The following USP6NL variants were observed in gnomAD, a reference collection of about 807,000 sequenced individuals.
The protein encoded by USP6NL is USP6 N-terminal like.
Under a neutral mutation model 61.9 loss-of-function variants are expected in USP6NL, and 26 were observed. That is an observed-to-expected ratio of 0.42 (90% CI 0.31 to 0.58). The LOEUF is 0.58. Among genes scored for constraint, USP6NL ranks in the 20% least tolerant of loss-of-function variants. The pLI is 0.16. For synonymous variants in USP6NL, 432 were observed against 390.1 expected, an observed-to-expected ratio of 1.11 and a Z score of -1.27; for missense variants, 1,114 against 1,034.3, an observed-to-expected ratio of 1.08 and a Z score of -1.06.
chr10:11,489,084 A>C lies in USP6NL; in HGVS notation c.664+18T>G. ...TTCCCTACCTTGATTGTTTAGATAA[A>C]GCACAGGGTTTTCTTACCATGCATG... On this transcript the variant is annotated intron_variant, in intron 10 of 14. Transcript: ENST00000609104. This position sits in a 1 kb window ranked among gnomAD's most constrained non-coding sequence, Gnocchi z 5.7. The C allele has an allele frequency of 1.2e-6, 2 of 1,611,960 alleles. No homozygotes were observed. The highest frequency in any genetic ancestry group is 1.7e-6 in the Non-Finnish European group (2 of 1,178,934).
chr10:11,597,397 A>G lies in USP6NL; in HGVS notation c.4+234T>C, dbSNP rs1838365264. 6.6e-6 allele frequency among the ~76,000 whole-genome samples: 1 copy of G among 152,256 alleles called. No individual in the cohort carries two copies. Among genetic ancestry groups the G allele is most frequent in the South Asian group, 2.1e-4 (1 of 4,836 alleles). Reference sequence around the variant, plus strand: ...TTTAGATCACAGAACTAAATCAGCCAAAGAGCTAATGACCAGATTTCCTCA... The same window carrying G: ...TTTAGATCACAGAACTAAATCAGCCGAAGAGCTAATGACCAGATTTCCTCA... On this transcript the variant is annotated intron_variant, in intron 2 of 14. Coordinates refer to ENST00000609104, the MANE Select transcript of USP6NL (RefSeq NM_014688.5). The surrounding 1 kb of genome is among the most constrained non-coding windows in gnomAD (Gnocchi z 4.6).
At chr10:11,473,590 G>A (rs1005039503) in intron 14 of USP6NL, among the ~76,000 whole-genome samples, 9 of 152,182 alleles carry the variant, frequency 5.9e-5, no homozygotes, top group Admixed American at 3.3e-4. Context: ...AGAGCAGGCC[G>A]ATTAGAGCTG....
chr10:11,543,596 A>G (rs1286115109), intron 2 of USP6NL, among the ~76,000 whole-genome samples: 10 of 152,020 alleles, frequency 6.6e-5, no homozygotes, highest in Admixed American at 6.5e-4. Context: ...AATCTACCAT[A>G]TATATATTAT....
Position 11,462,211 on chromosome 10 carries a change from C to T in USP6NL, c.*230G>A, listed in dbSNP as rs1048057198. The stretch of plus-strand genomic sequence containing the variant: ...GTGCGTGCATCCCTAAATGCTATTG[C>T]GATGTTTCCGGGTTAAATTCTAACA... On this transcript the variant is annotated 3_prime_UTR_variant, in exon 15 of 15. Coordinates refer to ENST00000609104, the MANE Select transcript of USP6NL (RefSeq NM_014688.5). The T allele has an allele frequency of 1.5e-5, 8 of 526,058 alleles. No individual in the cohort carries two copies. Among genetic ancestry groups the T allele is most frequent in the South Asian group, 3.1e-5 (1 of 32,054 alleles). The allele number at this position is 526,058 out of a possible 1,614,324, so 32.6% of individuals were successfully genotyped here. A position where few individuals can be genotyped will look rare whatever the true frequency, so the allele number is the denominator to read the frequency against.
chr10:11,580,867 T>TTATG (rs145378549), intron 2 of USP6NL, among the ~76,000 whole-genome samples: 1 of 149,744 alleles, frequency 6.7e-6, no homozygotes, highest in African/African-American at 2.5e-5. Context: ...AACGGATAGA[T>TTATG]GATGGATGGA....
chr10:11,598,085 G>C lies in USP6NL; in HGVS notation c.-83-368C>G, dbSNP rs1211769710. On this transcript the variant is annotated intron_variant, in intron 1 of 14. Coordinates refer to ENST00000609104, the MANE Select transcript of USP6NL (RefSeq NM_014688.5). This position sits in a 1 kb window ranked among gnomAD's most constrained non-coding sequence, Gnocchi z 4.7. Reference sequence around the variant, plus strand: ...GGTAAATACAGCCCACATCATCCCTGCTGAGTATATTTTGACTGCACATAA... The same window carrying C: ...GGTAAATACAGCCCACATCATCCCTCCTGAGTATATTTTGACTGCACATAA... Among the ~76,000 whole-genome samples the C allele has an allele frequency of 1.3e-5, 2 of 152,130 alleles. No homozygotes were observed. Among genetic ancestry groups the C allele is most frequent in the Non-Finnish European group, 2.9e-5 (2 of 68,008 alleles).
At chr10:11,492,622 A>G (rs1454873877) in intron 8 of USP6NL, among the ~76,000 whole-genome samples, 1 of 152,216 alleles carries the variant, frequency 6.6e-6, no homozygotes, top group Admixed American at 6.5e-5. Flanking sequence ...CCTAACATAT[A>G]TCTCCTATTG....
rs1833688032 is a variant in USP6NL, at chr10:11,490,915, T to C, written c.495-35A>G. Reference sequence around the variant, plus strand: ...AAAATTTACATTAAATACAATTTAGTAATTTCACATATTTTAAAAATTACA... The same window carrying C: ...AAAATTTACATTAAATACAATTTAGCAATTTCACATATTTTAAAAATTACA... On this transcript the variant is annotated intron_variant, in intron 8 of 14. Coordinates refer to ENST00000609104, the MANE Select transcript of USP6NL (RefSeq NM_014688.5). This position sits in a 1 kb window ranked among gnomAD's most constrained non-coding sequence, Gnocchi z 4.5. 4.0e-6 allele frequency: 6 copies of C among 1,486,120 alleles called. No homozygotes were observed. In the African/African-American group the frequency reaches 7.1e-5, roughly 18 times the overall value. The allele number at this position is 1,486,120 out of a possible 1,614,324, so 92.1% of individuals were successfully genotyped here.
chr10:11,584,092 G>A (rs2133616683), intron 2 of USP6NL, among the ~76,000 whole-genome samples: 1 of 152,136 alleles, frequency 6.6e-6, no homozygotes, highest in South Asian at 2.1e-4. Flanking sequence ...GCGTGTGCCT[G>A]TAGTCCCAGC....
rs1243089440 is a variant in USP6NL, at chr10:11,501,179, T to C, written c.306A>G (p.Pro102=). 1.2e-6 allele frequency: 2 copies of C among 1,611,116 alleles called. No homozygotes were observed. The highest frequency in any genetic ancestry group is 2.2e-5 in the East Asian group (1 of 44,846). ...CCCAGACTTCACCTCTGAGCTGGAGTGGTATTCCTTTGTAAATTCGCCTAT... is the reference window on the plus strand; with the variant it reads ...CCCAGACTTCACCTCTGAGCTGGAGCGGTATTCCTTTGTAAATTCGCCTAT... ...KFHRRIYKGI[P]LQLRGEVWAL... Residue 102 remains proline, a synonymous_variant, in exon 7 of 15, where the codon CCA becomes CCG. Transcript: ENST00000609104.
intron 1 of USP6NL, among the ~76,000 whole-genome samples, chr10:11,604,102 GC>G (rs889523173): frequency 3.3e-5 from 5 of 152,106 alleles, no homozygotes; most frequent in African/African-American, 9.7e-5. Context: ...AAAATTTTCA[GC>G]CTACCTACCA....
At chr10:11,530,101 C>CAAAAA (rs900768943) in intron 2 of USP6NL, among the ~76,000 whole-genome samples, 8 of 72,000 alleles carry the variant, frequency 1.1e-4, no homozygotes, top group East Asian at 3.9e-4. Context: ...GACCCTGTCT[C>CAAAAA]AAAAAAAAAA....
At position 11,540,639 on chromosome 10, in the gene USP6NL, G is replaced by C. The variant is rs1395503435; in HGVS notation, c.5-13072C>G. ...AATTCTTGCAGACCAGATATAAGAA[G>C]ATAATTCATAGACTGCCCACTCTGA... On this transcript the variant is annotated intron_variant, in intron 2 of 14. Transcript: ENST00000609104. This position sits in a 1 kb window ranked among gnomAD's most constrained non-coding sequence, Gnocchi z 5.0. 6.6e-6 allele frequency among the ~76,000 whole-genome samples: 1 copy of C among 152,136 alleles called. No individual in the cohort carries two copies. Among genetic ancestry groups the C allele is most frequent in the Admixed American group, 6.5e-5 (1 of 15,270 alleles).
At chr10:11,514,974 G>A (rs556896551) in intron 5 of USP6NL, among the ~76,000 whole-genome samples, 2 of 152,276 alleles carry the variant, frequency 1.3e-5, no homozygotes, top group East Asian at 3.9e-4. Context: ...TCAGGGAAGG[G>A]CTAAACTTCT....
At chr10:11,519,597 T>C (rs1212485129) in intron 4 of USP6NL, among the ~76,000 whole-genome samples, 3 of 152,054 alleles carry the variant, frequency 2.0e-5, no homozygotes, top group Non-Finnish European at 4.4e-5. Context: ...GCCATTGCAC[T>C]CCACCCTGGG....
At chr10:11,594,773 T>A (rs1273258667) in intron 2 of USP6NL, among the ~76,000 whole-genome samples, 1 of 152,218 alleles carries the variant, frequency 6.6e-6, no homozygotes, top group African/African-American at 2.4e-5. Context: ...CTAAGGACAT[T>A]ACTTACAAAC....
intron 7 of USP6NL, among the ~76,000 whole-genome samples, chr10:11,494,507 A>G (rs1833831675): frequency 6.6e-6 from 1 of 152,194 alleles, no homozygotes; most frequent in Non-Finnish European, 1.5e-5. Context: ...ATAAAGACAC[A>G]AGACAAAGAG....
At chr10:11,584,619 CA>C (rs1166268447) in intron 2 of USP6NL, among the ~76,000 whole-genome samples, 1 of 152,110 alleles carries the variant, frequency 6.6e-6, no homozygotes, top group East Asian at 1.9e-4. Flanking sequence ...CTGACCATCA[CA>C]AAATGGTACA....
At position 11,482,364 on chromosome 10, in the gene USP6NL, TTTTG is replaced by T. The variant is rs1282520761; in HGVS notation, c.926-446_926-443del. 1.3e-5 allele frequency among the ~76,000 whole-genome samples: 2 copies of T among 152,242 alleles called. No homozygotes were observed. The highest frequency in any genetic ancestry group is 4.8e-5 in the African/African-American group (2 of 41,468). On this transcript the variant is annotated intron_variant, in intron 13 of 14. Coordinates refer to ENST00000609104, the MANE Select transcript of USP6NL (RefSeq NM_014688.5). This position sits in a 1 kb window ranked among gnomAD's most constrained non-coding sequence, Gnocchi z 4.0. The stretch of plus-strand genomic sequence containing the variant: ...TTTCCCAGAACATCTGGATTATTAA[TTTTG>T]TGAGTTTTATTTCTATTTATGAAAT...
Sources: gnomAD v4.1 joint callset for allele counts (sites outside exome capture counted in the v4.1 genomes callset) on GRCh38, gnomAD v4.1.1 for gene constraint, Gnocchi (gnomAD v3.1) non-coding constraint, MANE v1.5 for transcripts, NCBI Gene and HGNC (gene_info 2026-07-23, HGNC 2026-07-21) for gene names.